NRXN3: variants seen among roughly 807,000 people sequenced by gnomAD.
NRXN3 encodes the protein neurexin 3.
In NRXN3, 32 loss-of-function variants were observed where a neutral mutation model predicts 137.6. That is an observed-to-expected ratio of 0.23 (90% CI 0.18 to 0.31). The LOEUF (loss-of-function observed/expected upper bound fraction) is 0.31, where lower values mean the gene tolerates loss of function less well. Among genes scored for constraint, NRXN3 ranks in the 10% least tolerant of loss-of-function variants. The pLI, the probability that NRXN3 is intolerant of heterozygous loss-of-function variation, is 1.00. For synonymous variants in NRXN3, 798 were observed against 784.5 expected (o/e 1.02, Z -0.29); for missense variants, 1,574 against 2,062.5 (o/e 0.76, Z 4.59).
chr14:78,457,420 G>A lies in NRXN3; in HGVS notation c.757+159560G>A, dbSNP rs916323486. On this transcript the variant is annotated intron_variant, in intron 4 of 20. Transcript: ENST00000335750. ...GAAAGATGCAAGGCCCCCTCACTTC[G>A]TTATTAGGTGATAGAGGAGAGGGTG... Among the ~76,000 whole-genome samples, 79 of 152,128 alleles carry A rather than the reference G, an allele frequency of 5.2e-4. 1 individual carries two copies. The highest frequency in any genetic ancestry group is 3.5e-3 in the Admixed American group (54 of 15,260).
chr14:79,380,700 T>TG (rs1275986185), intron 15 of NRXN3, among the ~76,000 whole-genome samples: 7 of 152,188 alleles, frequency 4.6e-5, no homozygotes, highest in Non-Finnish European at 1.0e-4. Context: ...TATAATCCTT[T>TG]GGGTATATAC....
chr14:79,109,895 A>C (rs906950742), intron 15 of NRXN3, among the ~76,000 whole-genome samples: 2 of 152,120 alleles, frequency 1.3e-5, no homozygotes, highest in Admixed American at 1.3e-4. Context: ...GTAGTTTTCT[A>C]TTTAAAAAAT....
At chr14:78,970,784 G>A (rs1439756144) in intron 14 of NRXN3, among the ~76,000 whole-genome samples, 5 of 152,112 alleles carry the variant, frequency 3.3e-5, no homozygotes, top group African/African-American at 1.2e-4. Flanking sequence ...AGAGAGCTCC[G>A]ACCTTCCTCT....
At chr14:79,282,075 T>C (rs1258039928) in intron 15 of NRXN3, among the ~76,000 whole-genome samples, 2 of 152,072 alleles carry the variant, frequency 1.3e-5, no homozygotes, top group Non-Finnish European at 2.9e-5. Context: ...CTCTTTTCTC[T>C]GTGACTCCTG....
chr14:79,835,937 T>C (rs117727493), intron 20 of NRXN3, among the ~76,000 whole-genome samples: 318 of 152,296 alleles, frequency 2.1e-3, no homozygotes, highest in Non-Finnish European at 3.4e-3. Flanking sequence ...GGTAGGAGGA[T>C]GCAATTTAAA....
At chr14:78,503,270 C>T (rs981779433) in intron 4 of NRXN3, among the ~76,000 whole-genome samples, 12 of 152,164 alleles carry the variant, frequency 7.9e-5, no homozygotes, top group African/African-American at 1.9e-4. Flanking sequence ...AAAAATAAAG[C>T]GAGGCTTGGT....
intron 15 of NRXN3, among the ~76,000 whole-genome samples, chr14:79,084,987 C>T (rs1054273017): frequency 5.3e-5 from 8 of 152,042 alleles, no homozygotes; most frequent in East Asian, 1.9e-4. Context: ...TAAGAGCTGA[C>T]GAGACGTTTT....
At chr14:79,539,147 C>T (rs2097246742) in intron 16 of NRXN3, among the ~76,000 whole-genome samples, 1 of 152,112 alleles carries the variant, frequency 6.6e-6, no homozygotes, top group Non-Finnish European at 1.5e-5. Flanking sequence ...GCAACCTCCA[C>T]CTCCCAGTAA....
intron 4 of NRXN3, among the ~76,000 whole-genome samples, chr14:78,524,896 T>C (rs1244068676): frequency 2.6e-5 from 4 of 152,172 alleles, no homozygotes; most frequent in African/African-American, 9.7e-5. Context: ...GAAGCCTGAA[T>C]GTGAGTTTGC....
intron 4 of NRXN3, among the ~76,000 whole-genome samples, chr14:78,410,653 T>G (rs1358934168): frequency 1.3e-5 from 2 of 152,124 alleles, no homozygotes; most frequent in African/African-American, 4.8e-5. Flanking sequence ...GTTGGAACAT[T>G]GGATTACAAT....
intron 15 of NRXN3, among the ~76,000 whole-genome samples, chr14:79,389,045 TC>T (rs1255526078): frequency 6.6e-6 from 1 of 152,236 alleles, no homozygotes; most frequent in East Asian, 1.9e-4. Flanking sequence ...AACCTCTTTT[TC>T]TTTATAAATT....
intron 19 of NRXN3, among the ~76,000 whole-genome samples, chr14:79,783,178 G>C (rs1296598709): frequency 6.6e-6 from 1 of 152,150 alleles, no homozygotes; most frequent in Non-Finnish European, 1.5e-5. Flanking sequence ...GCCCTCTGTG[G>C]ATAGCTTGGC....
chr14:78,270,772 A>T (rs960363099), intron 2 of NRXN3, among the ~76,000 whole-genome samples: 9 of 152,250 alleles, frequency 5.9e-5, no homozygotes, highest in Admixed American at 5.9e-4. Context: ...TAAATTAGGG[A>T]CAATCAGTTC....
chr14:78,939,264 C>T (rs1238204832), intron 10 of NRXN3, among the ~76,000 whole-genome samples: 2 of 152,158 alleles, frequency 1.3e-5, no homozygotes, highest in Non-Finnish European at 2.9e-5. Context: ...AACAAAAAGC[C>T]TCCTAGACCA....
At chr14:78,637,140 G>T (rs931346720) in intron 4 of NRXN3, among the ~76,000 whole-genome samples, 5 of 152,026 alleles carry the variant, frequency 3.3e-5, no homozygotes, top group Non-Finnish European at 7.4e-5. Flanking sequence ...CCCATCCCCA[G>T]TGCTCAAGAA....
chr14:78,638,300 G>A (rs186004592), intron 4 of NRXN3, among the ~76,000 whole-genome samples: 107 of 152,136 alleles, frequency 7.0e-4, no homozygotes, highest in African/African-American at 2.6e-3. Flanking sequence ...TGCTCAGGGC[G>A]ACACAATTTC....
chr14:78,932,668 C>T (rs1406772944), intron 10 of NRXN3, among the ~76,000 whole-genome samples: 1 of 152,192 alleles, frequency 6.6e-6, no homozygotes, highest in East Asian at 1.9e-4. Flanking sequence ...GGGATTTGGA[C>T]TTTGCAATGT....
intron 15 of NRXN3, among the ~76,000 whole-genome samples, chr14:79,324,614 C>T (rs1452351917): frequency 3.9e-5 from 6 of 152,082 alleles, no homozygotes; most frequent in South Asian, 2.1e-4. Context: ...ACCAGGGATG[C>T]GTGGGCAGGT....
chr14:79,436,699 G>A (rs1161625755), intron 15 of NRXN3, among the ~76,000 whole-genome samples: 1 of 152,174 alleles, frequency 6.6e-6, no homozygotes, highest in Non-Finnish European at 1.5e-5. Flanking sequence ...GGGAAAAGGA[G>A]AATTACAAGT....
Sources: gnomAD v4.1 joint callset for allele counts (sites outside exome capture counted in the v4.1 genomes callset) on GRCh38, gnomAD v4.1.1 for gene constraint, MANE v1.5 for transcripts, NCBI Gene and HGNC (gene_info 2026-07-23, HGNC 2026-07-21) for gene names.